RAB28: variants seen among roughly 807,000 people sequenced by gnomAD.
RAB28 encodes ras-related protein Rab-28.
RAB28 carries 24 observed loss-of-function variants against 31.7 expected under a neutral mutation model. That is an observed-to-expected ratio of 0.76 (90% CI 0.55 to 1.06). RAB28 has a LOEUF of 1.06. RAB28 is among the 50% of genes least tolerant of loss of function. The pLI is 0.00. For synonymous variants in RAB28, 100 were observed against 90.4 expected (o/e 1.11, Z -0.60); for missense variants, 254 against 258.5 (o/e 0.98, Z 0.12).
intron 2 of RAB28, 29 bp from the exon 3 acceptor site, chr4:13,474,435 A>T (rs756128113): frequency 2.3e-6 from 3 of 1,311,860 alleles, no homozygotes. Flanking sequence ...ATATAAAAAT[A>T]AGAATACCAA....
intron 4 of RAB28, among the ~76,000 whole-genome samples, chr4:13,458,277 A>G (rs1471529321): frequency 6.6e-6 from 1 of 151,938 alleles, no homozygotes; most frequent in Non-Finnish European, 1.5e-5. Context: ...CAGAGAAATG[A>G]CATTCACACC....
intron 4 of RAB28, among the ~76,000 whole-genome samples, chr4:13,430,463 G>T (rs1170944213): frequency 6.6e-6 from 1 of 152,182 alleles, no homozygotes; most frequent in Non-Finnish European, 1.5e-5. Context: ...TCACCTCTGT[G>T]ACAGTCTGCT....
chr4:13,410,735 T>C (rs1262404361), intron 4 of RAB28, among the ~76,000 whole-genome samples: 1 of 152,030 alleles, frequency 6.6e-6, no homozygotes, highest in African/African-American at 2.4e-5. Flanking sequence ...ACAATCAACA[T>C]TGTAAAAATA....
intron 4 of RAB28, among the ~76,000 whole-genome samples, chr4:13,447,406 G>C (rs1714753673): frequency 6.6e-6 from 1 of 151,834 alleles, no homozygotes; most frequent in Non-Finnish European, 1.5e-5. Context: ...CTGCGCCTTA[G>C]TTTCATATTT....
At position 13,460,711 on chromosome 4, in the gene RAB28, C is replaced by T. The variant is rs1302013005; in HGVS notation, c.379G>A (p.Val127Ile). The change falls in exon 4 of 7, where the codon GTA becomes ATA. Residue 127 changes from valine (V) to isoleucine (I), a missense_variant. By Grantham distance (29) the Val-to-Ile change is conservative. Coordinates refer to ENST00000330852, the MANE Select transcript of RAB28 (RefSeq NM_001017979.3). Reference sequence around the variant, plus strand: ...AGTAATAACTTACTTTTATTGCCTACCAAGGCAACCAGTGGCTGAGTTTCT... The same window carrying T: ...AGTAATAACTTACTTTTATTGCCTATCAAGGCAACCAGTGGCTGAGTTTCT... ...ESETQPLVALVGNKIDLEHMR... is the reference protein window; with the variant it reads ...ESETQPLVALIGNKIDLEHMR... The T allele has an allele frequency of 3.7e-6, 6 of 1,613,954 alleles. No individual in the cohort carries two copies. The highest frequency in any genetic ancestry group is 1.7e-6 in the Non-Finnish European group (2 of 1,179,900).
chr4:13,440,248 T>C (rs1714345832), intron 4 of RAB28, among the ~76,000 whole-genome samples: 2 of 152,128 alleles, frequency 1.3e-5, no homozygotes, highest in Admixed American at 1.3e-4. Flanking sequence ...TACAAGTCAT[T>C]AGAAAAGTAA....
chr4:13,427,562 G>A (rs1027327596), intron 4 of RAB28, among the ~76,000 whole-genome samples: 6 of 151,906 alleles, frequency 3.9e-5, no homozygotes, highest in African/African-American at 1.2e-4. Context: ...GGATTGTGCA[G>A]CGCAAATTAC....
At chr4:13,395,581 C>T (rs763966406) in intron 4 of RAB28, among the ~76,000 whole-genome samples, 2 of 151,996 alleles carry the variant, frequency 1.3e-5, no homozygotes, top group African/African-American at 4.8e-5. Flanking sequence ...ATTCAAGATT[C>T]CTTACTCAGG....
intron 4 of RAB28, among the ~76,000 whole-genome samples, chr4:13,406,654 C>A (rs1248161236): frequency 6.6e-6 from 1 of 152,184 alleles, no homozygotes; most frequent in Non-Finnish European, 1.5e-5. Flanking sequence ...CACATCCTCT[C>A]CAGCATCTGT....
intron 3 of RAB28, among the ~76,000 whole-genome samples, chr4:13,461,527 C>T (rs1158140962): frequency 6.6e-6 from 1 of 152,144 alleles, no homozygotes; most frequent in East Asian, 1.9e-4. Flanking sequence ...CCAGGACACA[C>T]TACATATAGT....
chr4:13,407,328 G>A (rs1315206270), intron 4 of RAB28, among the ~76,000 whole-genome samples: 9 of 152,216 alleles, frequency 5.9e-5, no homozygotes, highest in South Asian at 4.1e-4. Context: ...GATGTGTGGC[G>A]TTATTTCTGA....
At chr4:13,370,031 A>G in intron 6 of RAB28, 1 of 1,563,482 alleles carries the variant, frequency 6.4e-7, no homozygotes, top group East Asian at 2.3e-5. Context: ...GACAAAATGG[A>G]AAGTATGTTC....
chr4:13,450,829 A>T (rs1430872870), intron 4 of RAB28, among the ~76,000 whole-genome samples: 5 of 151,974 alleles, frequency 3.3e-5, no homozygotes, highest in Non-Finnish European at 7.4e-5. Context: ...AGCATAGGAA[A>T]TTCTAAGTAT....
rs918836105 is a variant in RAB28 at position 13,376,628 on chromosome 4, T to C, written c.496-6A>G. On this transcript the variant is annotated splice_region_variant and splice_polypyrimidine_tract_variant and intron_variant, in intron 5 of 6. Transcript: ENST00000330852. The stretch of plus-strand genomic sequence containing the variant: ...TTCTGAAAGCACAGGAAGACCTACA[T>C]AACAAAAATGGGTTTAAATGATTTA... 4 of 1,586,778 alleles carry C rather than the reference T, an allele frequency of 2.5e-6. No homozygotes were observed. In the Admixed American group the frequency reaches 7.2e-5, roughly 29 times the overall value.
chr4:13,378,243 G>A (rs540319898), intron 5 of RAB28, among the ~76,000 whole-genome samples: 23 of 152,266 alleles, frequency 1.5e-4, no homozygotes, highest in African/African-American at 4.8e-4. Context: ...ACCAGGAGGC[G>A]TTGTATCCTG....
At chr4:13,393,382 G>A (rs1457760711) in intron 4 of RAB28, among the ~76,000 whole-genome samples, 6 of 152,208 alleles carry the variant, frequency 3.9e-5, no homozygotes, top group African/African-American at 1.4e-4. Context: ...CAGGGCCTAG[G>A]CCTAAGGGTT....
At chr4:13,383,513 G>C (rs1729223866) in intron 4 of RAB28, among the ~76,000 whole-genome samples, 1 of 151,992 alleles carries the variant, frequency 6.6e-6, no homozygotes, top group Admixed American at 6.6e-5. Context: ...CATTTATTGA[G>C]CATCTATTAT....
intron 1 of RAB28, 65 bp from the exon 2 acceptor site, chr4:13,479,591 A>G: frequency 9.3e-7 from 1 of 1,079,902 alleles, no homozygotes; most frequent in Admixed American, 1.9e-5. Context: ...TAAGACCACT[A>G]TAAATCTTAA....
chr4:13,391,209 G>GA (rs1383474048), intron 4 of RAB28, among the ~76,000 whole-genome samples: 3 of 151,878 alleles, frequency 2.0e-5, no homozygotes, highest in Non-Finnish European at 4.4e-5. Context: ...AAATTTACAA[G>GA]AAAAAAACAA....
Sources: gnomAD v4.1 joint callset for allele counts (sites outside exome capture counted in the v4.1 genomes callset) on GRCh38, gnomAD v4.1.1 for gene constraint, MANE v1.5 for transcripts, NCBI Gene and HGNC (gene_info 2026-07-23, HGNC 2026-07-21) for gene names.